Variants in RARB observed in about 807,000 individuals in gnomAD.
The protein encoded by RARB is HBV-activated protein.
In RARB, 17 loss-of-function variants were observed where a neutral mutation model predicts 51.9. The ratio of observed to expected loss-of-function variants is 0.33; its 90% confidence interval spans 0.22 to 0.49. RARB has a LOEUF of 0.49. Ranked by LOEUF, RARB falls within the 20% of genes least tolerant of loss-of-function variation. RARB has a pLI of 0.99. For synonymous variants in RARB, 215 were observed against 195.4 expected (o/e 1.10, Z -0.84); for missense variants, 369 against 550.8 (o/e 0.67, Z 3.30).
At chr3:25,312,070 C>T (rs1217916154) in intron 5 of RARB, among the ~76,000 whole-genome samples, 1 of 152,052 alleles carries the variant, frequency 6.6e-6, no homozygotes, top group Non-Finnish European at 1.5e-5. Context: ...GAGTTGTTTC[C>T]TGCGGTGTTT....
chr3:25,021,643 AT>A (rs1371225914), intron 2 of RARB, among the ~76,000 whole-genome samples: 2 of 152,088 alleles, frequency 1.3e-5, no homozygotes, highest in Admixed American at 6.5e-5. Flanking sequence ...ACTTGAGAGT[AT>A]TTTTTACTGG....
chr3:24,890,218 G>C (rs1243345854), intron 2 of RARB, among the ~76,000 whole-genome samples: 2 of 152,138 alleles, frequency 1.3e-5, no homozygotes, highest in African/African-American at 4.8e-5. Flanking sequence ...GTCTGTAGTG[G>C]TTCAATAAGA....
At chr3:25,022,657 T>C (rs780325800) in intron 2 of RARB, among the ~76,000 whole-genome samples, 2 of 152,144 alleles carry the variant, frequency 1.3e-5, no homozygotes, top group Non-Finnish European at 2.9e-5. Flanking sequence ...CATCACATTG[T>C]AGATTTAATT....
intron 5 of RARB, among the ~76,000 whole-genome samples, chr3:25,366,995 A>G (rs1363192686): frequency 6.6e-6 from 1 of 152,138 alleles, no homozygotes; most frequent in Non-Finnish European, 1.5e-5. Flanking sequence ...AAGAAAGGAG[A>G]GGAAAGGATG....
chr3:25,340,795 G>T (rs951130613), intron 5 of RARB, among the ~76,000 whole-genome samples: 4 of 152,194 alleles, frequency 2.6e-5, no homozygotes, highest in Non-Finnish European at 4.4e-5. Flanking sequence ...TCGCTTTGGA[G>T]AAGCCATTGA....
At position 25,204,671 on chromosome 3, in the gene RARB, G is replaced by A. The variant is rs148228219; in HGVS notation, c.178+30096G>A. 1.4e-3 allele frequency among the ~76,000 whole-genome samples: 208 copies of A among 152,280 alleles called. 1 individual carries two copies. The highest frequency in any genetic ancestry group is 4.8e-3 in the African/African-American group (200 of 41,558). On this transcript the variant is annotated intron_variant, in intron 5 of 11. Transcript: ENST00000383772. Reference sequence around the variant, plus strand: ...CAGGACCCTCAGCTGCAGGTCTGTTGGAGTTTGCTGGAGGTTCACTCCAGA... The same window carrying A: ...CAGGACCCTCAGCTGCAGGTCTGTTAGAGTTTGCTGGAGGTTCACTCCAGA...
At chr3:25,353,116 A>T (rs938438714) in intron 5 of RARB, among the ~76,000 whole-genome samples, 1 of 152,070 alleles carries the variant, frequency 6.6e-6, no homozygotes, top group Non-Finnish European at 1.5e-5. Context: ...TTCATCATCA[A>T]CACACAGCTG....
chr3:25,244,189 A>ATTCTTCTCCTT (rs1177407243), intron 5 of RARB, among the ~76,000 whole-genome samples: 1 of 147,856 alleles, frequency 6.8e-6, no homozygotes, highest in Non-Finnish European at 1.5e-5. Context: ...TGTCTATTCG[A>ATTCTTCTCCTT]TTCTTCTCCT....
chr3:25,316,058 G>C (rs1229656368), intron 5 of RARB, among the ~76,000 whole-genome samples: 1 of 152,104 alleles, frequency 6.6e-6, no homozygotes, highest in African/African-American at 2.4e-5. Context: ...TTTGATCAAA[G>C]AATATGCTCA....
At chr3:25,325,439 T>C (rs1343065429) in intron 5 of RARB, among the ~76,000 whole-genome samples, 3 of 152,096 alleles carry the variant, frequency 2.0e-5, no homozygotes, top group Non-Finnish European at 4.4e-5. Flanking sequence ...ACGGCTAACC[T>C]CCTGGGAATG....
At chr3:25,445,615 C>T (rs1340613047) in intron 1 of RARB, among the ~76,000 whole-genome samples, 1 of 151,928 alleles carries the variant, frequency 6.6e-6, no homozygotes, top group Non-Finnish European at 1.5e-5. Context: ...TGCAGTGAGC[C>T]GAGGTCGCGC....
chr3:25,174,566 T>G, exon 5 of RARB: 1 of 1,352,116 alleles, frequency 7.4e-7, no homozygotes, highest in Non-Finnish European at 9.8e-7. Flanking sequence ...CAGCACCCCG[T>G]CGCCGGCAAG....
rs151045750 is a variant in RARB at position 25,138,830 on chromosome 3, T to C, written c.-280+6622T>C. On this transcript the variant is annotated intron_variant, in intron 4 of 11. Coordinates refer to the RARB transcript ENST00000383772. ...TATTGTGCTTTGCTTTATTGTACTT[T>C]GCAGATATTGTATATTTTACAAATT... 2.8e-3 allele frequency among the ~76,000 whole-genome samples: 423 copies of C among 152,278 alleles called. 1 individual carries two copies. Among genetic ancestry groups the C allele is most frequent in the African/African-American group, 8.5e-3 (355 of 41,566 alleles).
intron 2 of RARB, among the ~76,000 whole-genome samples, chr3:24,935,332 A>G (rs906354089): frequency 9.9e-5 from 15 of 152,174 alleles, no homozygotes; most frequent in Non-Finnish European, 2.2e-4. Context: ...CTTCCCTAGT[A>G]TATGACCTCC....
chr3:24,858,349 G>A (rs954345985), intron 1 of RARB, among the ~76,000 whole-genome samples: 2 of 152,022 alleles, frequency 1.3e-5, no homozygotes, highest in Non-Finnish European at 2.9e-5. Context: ...TATAATTAAC[G>A]ATTGCCACCT....
Position 25,497,787 on chromosome 3 carries a change from A to G in RARB, c.307-3395A>G, listed in dbSNP as rs372600724. Among the ~76,000 whole-genome samples the G allele has an allele frequency of 9.9e-5, 15 of 152,234 alleles. 1 individual carries two copies. The South Asian group carries it at 1.9e-3, about 19-fold the overall frequency. ...ATCCTCTGTACACGCTCAACTTTTG[A>G]ACCTCCTCTTCTCCAGATGTGTCTA... is the stretch of plus-strand genomic sequence containing the variant. On this transcript the variant is annotated intron_variant, in intron 2 of 7. Transcript: ENST00000330688.
intron 2 of RARB, among the ~76,000 whole-genome samples, chr3:24,970,109 G>A (rs1696362215): frequency 6.6e-6 from 1 of 152,078 alleles, no homozygotes; most frequent in African/African-American, 2.4e-5. Flanking sequence ...TGTAGGCCAA[G>A]TAGCCACAGA....
chr3:25,200,744 A>T (rs942791608), intron 5 of RARB, among the ~76,000 whole-genome samples: 7 of 152,036 alleles, frequency 4.6e-5, no homozygotes, highest in African/African-American at 1.7e-4. Flanking sequence ...CAAAGATCAG[A>T]TAGTTGTAGA....
intron 4 of RARB, among the ~76,000 whole-genome samples, chr3:25,168,745 C>A (rs541648862): frequency 2.0e-5 from 3 of 152,102 alleles, no homozygotes; most frequent in Non-Finnish European, 4.4e-5. Flanking sequence ...AAAATAGAGA[C>A]AATCAATTCT....
Sources: gnomAD v4.1 joint callset for allele counts (sites outside exome capture counted in the v4.1 genomes callset) on GRCh38, gnomAD v4.1.1 for gene constraint, MANE v1.5 for transcripts, NCBI Gene and HGNC (gene_info 2026-07-23, HGNC 2026-07-21) for gene names.